HECW2: variants seen among roughly 807,000 people sequenced by gnomAD.
HECW2 encodes the protein E3 ubiquitin-protein ligase HECW2.
HECW2 carries 61 observed loss-of-function variants against 175.2 expected under a neutral mutation model. That is an observed-to-expected ratio of 0.35 (90% CI 0.28 to 0.43). The LOEUF (loss-of-function observed/expected upper bound fraction) is 0.43. Among genes scored for constraint, HECW2 ranks in the 20% least tolerant of loss-of-function variants. The pLI, the probability that HECW2 is intolerant of heterozygous loss-of-function variation, is 1.00. For synonymous variants in HECW2, 671 were observed against 731.0 expected, an observed-to-expected ratio of 0.92 and a Z score of 1.32; for missense variants, 1,524 against 2,000.5, an observed-to-expected ratio of 0.76 and a Z score of 4.54.
intron 2 of HECW2, among the ~76,000 whole-genome samples, chr2:196,346,627 A>G (rs539114198): frequency 1.8e-4 from 27 of 152,180 alleles, no homozygotes; most frequent in Middle Eastern, 3.2e-3. Flanking sequence ...TCCACCCACC[A>G]GCTCCTGTAG....
At chr2:196,442,159 CATTT>C (rs747502458) in intron 1 of HECW2, among the ~76,000 whole-genome samples, 12 of 151,892 alleles carry the variant, frequency 7.9e-5, no homozygotes, top group South Asian at 2.1e-4. Flanking sequence ...ATATTTAACT[CATTT>C]AGTTATTTAA....
At chr2:196,395,540 T>C (rs941960474) in intron 2 of HECW2, among the ~76,000 whole-genome samples, 2 of 152,124 alleles carry the variant, frequency 1.3e-5, no homozygotes, top group Non-Finnish European at 2.9e-5. Flanking sequence ...ACAACTTGGT[T>C]TAGAAATGCG....
intron 22 of HECW2, among the ~76,000 whole-genome samples, chr2:196,226,071 A>C (rs1687838718): frequency 6.6e-6 from 1 of 152,178 alleles, no homozygotes; most frequent in Non-Finnish European, 1.5e-5. Flanking sequence ...GTCCCTGCCC[A>C]AATGTCATGT....
At chr2:196,337,517 G>C (rs907763408) in intron 3 of HECW2, among the ~76,000 whole-genome samples, 5 of 151,322 alleles carry the variant, frequency 3.3e-5, no homozygotes, top group Non-Finnish European at 5.9e-5. Flanking sequence ...CCCACAGCCT[G>C]ATGTGGCAGG....
At chr2:196,339,623 G>A (rs532364173) in intron 3 of HECW2, among the ~76,000 whole-genome samples, 1 of 152,278 alleles carries the variant, frequency 6.6e-6, no homozygotes, top group Admixed American at 6.5e-5. Context: ...GATGGAAGGA[G>A]GGAAGGAAGA....
intron 9 of HECW2, 130 bp from the exon 10 acceptor site, chr2:196,317,499 AG>A: frequency 1.5e-6 from 1 of 682,256 alleles, no homozygotes. Context: ...TTCCCATATG[AG>A]GACCTAGAAA....
chr2:196,236,393 G>A (rs888965152), intron 21 of HECW2, among the ~76,000 whole-genome samples: 1 of 152,128 alleles, frequency 6.6e-6, no homozygotes, highest in Non-Finnish European at 1.5e-5. Context: ...AGATTGCAAG[G>A]ATAAAACAGA....
chr2:196,578,432 A>T (rs879776640), intron 1 of HECW2, among the ~76,000 whole-genome samples: 9 of 152,302 alleles, frequency 5.9e-5, no homozygotes, highest in Middle Eastern at 3.4e-3. Flanking sequence ...GAGGAAAGAA[A>T]TTGAAAGGAT....
intron 2 of HECW2, among the ~76,000 whole-genome samples, chr2:196,413,301 G>A (rs1279036523): frequency 2.0e-5 from 3 of 152,104 alleles, no homozygotes; most frequent in Admixed American, 6.5e-5. Flanking sequence ...GTAACAGTGA[G>A]CTATGATTGT....
At chr2:196,551,914 A>G (rs1383520990) in intron 1 of HECW2, among the ~76,000 whole-genome samples, 1 of 152,116 alleles carries the variant, frequency 6.6e-6, no homozygotes, top group Non-Finnish European at 1.5e-5. Context: ...TTCATATGCA[A>G]TACTTCTTCA....
chr2:196,222,175 A>C lies in HECW2; in HGVS notation c.4146+36T>G, dbSNP rs375386174. ...CTTCACTCATCAATAGCCTTCAGTT[A>C]CCACACTTAGGCGCCAGGTGTGCAG... On this transcript the variant is annotated intron_variant, in intron 24 of 28. Transcript: ENST00000644978. The C allele has an allele frequency of 1.6e-5, 26 of 1,594,600 alleles. No homozygotes were observed. In the African/African-American group the frequency reaches 3.2e-4, roughly 20 times the overall value.
At chr2:196,261,599 A>G (rs1382288286) in intron 17 of HECW2, among the ~76,000 whole-genome samples, 1 of 152,246 alleles carries the variant, frequency 6.6e-6, no homozygotes, top group Non-Finnish European at 1.5e-5. Context: ...AAGCACAGAA[A>G]GGTGCAAATG....
chr2:196,395,987 T>C lies in HECW2; in HGVS notation c.292+37145A>G, dbSNP rs988203166. 2.0e-5 allele frequency among the ~76,000 whole-genome samples: 3 copies of C among 152,182 alleles called. No homozygotes were observed. The South Asian group carries it at 6.2e-4, about 32-fold the overall frequency. ...AAGGCGGAAGCAAACTGAGTGTCCA[T>C]TGAATAAACAACATGTAGTATATAC... is the stretch of plus-strand genomic sequence containing the variant. On this transcript the variant is annotated intron_variant, in intron 2 of 28. Transcript: ENST00000644978.
At chr2:196,567,418 T>C (rs1690225370) in intron 1 of HECW2, among the ~76,000 whole-genome samples, 1 of 152,154 alleles carries the variant, frequency 6.6e-6, no homozygotes, top group African/African-American at 2.4e-5. Context: ...GTTACATAAA[T>C]ATAAAATATG....
In HECW2 at chr2:196,503,301, G is replaced by A. The variant is rs533005704; in HGVS notation, c.-35-69843C>T. On this transcript the variant is annotated intron_variant, in intron 1 of 28. Coordinates refer to ENST00000644978, the MANE Select transcript of HECW2 (RefSeq NM_001348768.2). ...TCTCAGAGTGCCACAGGCAGGGCAC[G>A]GGCTCCAGGTGCATACATTCCCTTG... 4.5e-4 allele frequency among the ~76,000 whole-genome samples: 69 copies of A among 152,228 alleles called. 1 individual carries two copies. The South Asian group carries it at 0.011, about 24-fold the overall frequency.
At chr2:196,272,366 G>A (rs946422691) in intron 16 of HECW2, among the ~76,000 whole-genome samples, 4 of 152,088 alleles carry the variant, frequency 2.6e-5, no homozygotes, top group South Asian at 2.1e-4. Flanking sequence ...TAAGGATACC[G>A]TTAATACTCT....
At chr2:196,446,735 G>C (rs1363604066) in intron 1 of HECW2, among the ~76,000 whole-genome samples, 5 of 152,074 alleles carry the variant, frequency 3.3e-5, no homozygotes, top group Non-Finnish European at 7.4e-5. Flanking sequence ...TCAACAAAAG[G>C]TGCATCAAAG....
chr2:196,504,833 T>A (rs112512721), intron 1 of HECW2, among the ~76,000 whole-genome samples: 41 of 152,208 alleles, frequency 2.7e-4, no homozygotes, highest in African/African-American at 9.1e-4. Context: ...GATTATCTCA[T>A]TTACTCTTCA....
intron 2 of HECW2, chr2:196,362,080 C>T (rs570717194): frequency 3.5e-5 from 34 of 985,224 alleles, no homozygotes; most frequent in South Asian, 9.4e-5. Flanking sequence ...GACAGGATTC[C>T]GGCAGGTCTC....
Sources: gnomAD v4.1 joint callset for allele counts (sites outside exome capture counted in the v4.1 genomes callset) on GRCh38, gnomAD v4.1.1 for gene constraint, MANE v1.5 for transcripts, NCBI Gene and HGNC (gene_info 2026-07-23, HGNC 2026-07-21) for gene names.